Variants in NUDCD3 observed in about 807,000 individuals in gnomAD.
NUDCD3 encodes the protein nudC domain-containing protein 3.
Under a neutral mutation model 39.7 loss-of-function variants are expected in NUDCD3, and 13 were observed. That is an observed-to-expected ratio of 0.33 (90% CI 0.21 to 0.52). The LOEUF (loss-of-function observed/expected upper bound fraction) is 0.52. Ranked by LOEUF, NUDCD3 falls within the 20% of genes least tolerant of loss-of-function variation. The probability of loss-of-function intolerance (pLI) is 0.96; values close to 1 mark genes in which losing one functional copy is unlikely to be tolerated. For missense variants in NUDCD3, 453 were observed against 458.1 expected (o/e 0.99, Z 0.10); for synonymous variants, 175 against 172.4 (o/e 1.02, Z -0.12).
Position 44,392,501 on chromosome 7 carries a change from A to T in NUDCD3, c.787-16T>A, listed in dbSNP as rs1402482616. The T allele has an allele frequency of 2.5e-6, 4 of 1,611,950 alleles. No homozygotes were observed. In the African/African-American group the frequency reaches 5.3e-5, roughly 22 times the overall value. On this transcript the variant is annotated splice_polypyrimidine_tract_variant and intron_variant, in intron 4 of 5. Transcript: ENST00000355451. ...TCAGGTTCACCTGGGGACAAGCAGG[A>T]CAGAGACCTGAGTCAGAGACCTGAG...
intron 2 of NUDCD3, among the ~76,000 whole-genome samples, chr7:44,473,755 G>A (rs1197069093): frequency 6.6e-6 from 1 of 152,034 alleles, no homozygotes; most frequent in Non-Finnish European, 1.5e-5. Flanking sequence ...TAGGAAATAG[G>A]ACAAAGGACA....
intron 5 of NUDCD3, among the ~76,000 whole-genome samples, chr7:44,390,083 G>C (rs1798483373): frequency 6.6e-6 from 1 of 152,176 alleles, no homozygotes; most frequent in Admixed American, 6.5e-5. Flanking sequence ...ACAGAAAACT[G>C]GCCAGGCGTG....
intron 2 of NUDCD3, among the ~76,000 whole-genome samples, chr7:44,475,112 C>CTTTTTT (rs369792184): frequency 7.2e-6 from 1 of 139,640 alleles, no homozygotes; most frequent in Non-Finnish European, 1.6e-5. Context: ...AAATTCATTT[C>CTTTTTT]TTTTTTTTTT....
intron 3 of NUDCD3, among the ~76,000 whole-genome samples, chr7:44,420,212 T>A (rs1799111960): frequency 6.6e-6 from 1 of 151,736 alleles, no homozygotes; most frequent in African/African-American, 2.4e-5. Context: ...TACACAAGTA[T>A]CAACAGCCAA....
chr7:44,471,072 T>A (rs2116964857), intron 2 of NUDCD3, among the ~76,000 whole-genome samples: 1 of 152,332 alleles, frequency 6.6e-6, no homozygotes, highest in South Asian at 2.1e-4. Context: ...ATGAACAAAG[T>A]TCCTGCCTTG....
At chr7:44,426,885 G>A (rs1799247112) in intron 3 of NUDCD3, among the ~76,000 whole-genome samples, 1 of 152,090 alleles carries the variant, frequency 6.6e-6, no homozygotes, top group Non-Finnish European at 1.5e-5. Context: ...CTCCTGTGCA[G>A]CCATGTTGTT....
Position 44,467,818 on chromosome 7 carries a change from A to T in NUDCD3, c.509+17150T>A, listed in dbSNP as rs1379465935. On this transcript the variant is annotated intron_variant, in intron 2 of 5. Transcript: ENST00000355451. ...ATAAGAAAAAAACTAAGACCTCAGTAAAAAAAAAAAAAAGAAAAGAAAAGG... is the reference window on the plus strand; with the variant it reads ...ATAAGAAAAAAACTAAGACCTCAGTTAAAAAAAAAAAAAGAAAAGAAAAGG... 3 of 223,900 alleles carry T rather than the reference A, an allele frequency of 1.3e-5. No homozygotes were observed. The South Asian group carries it at 1.7e-4, about 13-fold the overall frequency. 13.9% of individuals were successfully genotyped at this position (223,900 alleles called of 1,614,324 possible).
chr7:44,470,034 T>G (rs1800221259), intron 2 of NUDCD3, among the ~76,000 whole-genome samples: 1 of 152,208 alleles, frequency 6.6e-6, no homozygotes, highest in South Asian at 2.1e-4. Context: ...GGTCTACAGA[T>G]GAGCTAATGG....
Position 44,389,401 on chromosome 7 carries a change from G to A in NUDCD3, c.975+2896C>T, listed in dbSNP as rs190038503. ...AGCCATCAAAATAAGGAGGCCGGCC[G>A]GGCGCGGTGGCTCACGCCTGTAATC... On this transcript the variant is annotated intron_variant, in intron 5 of 5. Transcript: ENST00000355451. 4.3e-4 allele frequency among the ~76,000 whole-genome samples: 65 copies of A among 152,290 alleles called. 1 individual carries two copies. Among genetic ancestry groups the A allele is most frequent in the Middle Eastern group, 3.4e-3 (1 of 294 alleles).
At chr7:44,403,361 T>A (rs1185571929) in intron 4 of NUDCD3, among the ~76,000 whole-genome samples, 6 of 152,234 alleles carry the variant, frequency 3.9e-5, no homozygotes, top group African/African-American at 1.4e-4. Context: ...GATGAAACAC[T>A]CACTAGGAGA....
intron 2 of NUDCD3, among the ~76,000 whole-genome samples, chr7:44,465,265 C>T (rs907724647): frequency 1.3e-5 from 2 of 152,120 alleles, no homozygotes; most frequent in South Asian, 2.1e-4. Flanking sequence ...ATCATTCTCC[C>T]GTAATTCCAC....
At chr7:44,415,725 A>G (rs1473544620) in intron 3 of NUDCD3, among the ~76,000 whole-genome samples, 1 of 152,200 alleles carries the variant, frequency 6.6e-6, no homozygotes, top group Non-Finnish European at 1.5e-5. Context: ...TCTCCTGTGA[A>G]GCTCTATCCA....
intron 3 of NUDCD3, among the ~76,000 whole-genome samples, chr7:44,405,494 A>G (rs1798802429): frequency 6.6e-6 from 1 of 152,214 alleles, no homozygotes; most frequent in African/African-American, 2.4e-5. Context: ...ACTTCCATTT[A>G]CATTTTGTAT....
chr7:44,476,764 C>G (rs1800379386), intron 2 of NUDCD3, among the ~76,000 whole-genome samples: 1 of 152,196 alleles, frequency 6.6e-6, no homozygotes, highest in Non-Finnish European at 1.5e-5. Flanking sequence ...CTGAGTAAGT[C>G]TCTGCCCCTA....
intron 2 of NUDCD3, among the ~76,000 whole-genome samples, chr7:44,443,403 T>TC (rs1015219561): frequency 6.6e-6 from 1 of 151,920 alleles, no homozygotes; most frequent in Non-Finnish European, 1.5e-5. Flanking sequence ...TCTTTTTTTT[T>TC]CTTTTCTTTT....
chr7:44,429,046 A>G (rs1380108195), intron 2 of NUDCD3, among the ~76,000 whole-genome samples: 1 of 152,210 alleles, frequency 6.6e-6, no homozygotes, highest in Non-Finnish European at 1.5e-5. Flanking sequence ...AGGATTGGGA[A>G]GGGGTGGTTC....
chr7:44,473,375 G>C (rs1188797621), intron 2 of NUDCD3, among the ~76,000 whole-genome samples: 1 of 152,144 alleles, frequency 6.6e-6, no homozygotes, highest in Non-Finnish European at 1.5e-5. Flanking sequence ...CATGAGCCTG[G>C]GTCAGTTTCC....
chr7:44,449,341 A>G (rs1051681395), intron 2 of NUDCD3, among the ~76,000 whole-genome samples: 3 of 152,226 alleles, frequency 2.0e-5, no homozygotes, highest in African/African-American at 7.2e-5. Flanking sequence ...AGGGAAACCT[A>G]AAGACAAACC....
intron 2 of NUDCD3, among the ~76,000 whole-genome samples, chr7:44,456,701 A>C (rs993461666): frequency 6.6e-6 from 1 of 152,042 alleles, no homozygotes; most frequent in East Asian, 1.9e-4. Context: ...GGCTACAGTG[A>C]GCCATGATTG....
Sources: allele counts gnomAD v4.1 joint callset (sites outside exome capture counted in the v4.1 genomes callset), GRCh38; gene constraint gnomAD v4.1.1; transcripts MANE v1.5; gene names NCBI Gene and HGNC (gene_info 2026-07-23, HGNC 2026-07-21).